SYNE3: variants seen among roughly 807,000 people sequenced by gnomAD.
SYNE3 encodes the protein nesprin-3.
A neutral mutation model predicts 111.2 loss-of-function variants in SYNE3; 100 were observed. The ratio of observed to expected loss-of-function variants is 0.90; its 90% CI spans 0.77 to 1.06. The LOEUF (loss-of-function observed/expected upper bound fraction) is 1.06, where lower values mean the gene tolerates loss of function less well. Ranked by LOEUF, SYNE3 falls within the 50% of genes least tolerant of loss-of-function variation. The probability of loss-of-function intolerance (pLI) is 0.00; values close to 1 mark genes in which losing one functional copy is unlikely to be tolerated. For synonymous variants in SYNE3, 547 were observed against 533.9 expected (o/e 1.02, Z -0.34); for missense variants, 1,160 against 1,240.3 (o/e 0.94, Z 0.97).
intron 1 of SYNE3, among the ~76,000 whole-genome samples, chr14:95,488,697 G>GGAGGAGAGGAGAGGAGAGGA (rs773406803): frequency 0.014 from 527 of 38,236 alleles, 27 homozygotes; most frequent in Middle Eastern, 0.032. Flanking sequence ...GAAGGGGAAG[G>GGAGGAGAGGAGAGGAGAGGA]GAGGAGAGGA....
At chr14:95,426,452 C>A (rs150207015) in intron 17 of SYNE3, among the ~76,000 whole-genome samples, 1 of 152,120 alleles carries the variant, frequency 6.6e-6, no homozygotes, top group African/African-American at 2.4e-5. Flanking sequence ...CCCCATCCCA[C>A]GTGAGAGAGA....
chr14:95,515,285 T>C lies in SYNE3; in HGVS notation c.-15+1311A>G, dbSNP rs1393142883. ...GCCGAGCACCGTCCGGCCTGAGGAA[T>C]GTGCAGACCCACATGTGCTGGAGCA... On this transcript the variant is annotated intron_variant, in intron 1 of 17. Coordinates refer to ENST00000682763, the MANE Select transcript of SYNE3 (RefSeq NM_152592.6). Among the ~76,000 whole-genome samples, 6 of 152,334 alleles carry C rather than the reference T, an allele frequency of 3.9e-5. No individual in the cohort carries two copies. In the South Asian group the frequency reaches 8.3e-4, roughly 21 times the overall value.
At position 95,409,148 on chromosome 14, in the gene SYNE3, T is replaced by A; in HGVS notation, c.*8678A>T. On this transcript the variant is annotated 3_prime_UTR_variant, in exon 18 of 18. Transcript: ENST00000682763. ...CAACTGAGGCCCAGGGAACATTCCA[T>A]AGAGTGGAGCACTGGGCTCGGAGCC... The A allele has an allele frequency of 2.2e-6, 1 of 456,706 alleles. No individual in the cohort carries two copies. The highest frequency in any genetic ancestry group is 1.5e-5 in the South Asian group (1 of 64,566). 28.3% of individuals were successfully genotyped at this position (456,706 alleles called of 1,614,324 possible).
At position 95,455,425 on chromosome 14, in the gene SYNE3, C is replaced by T. The variant is rs1458958235; in HGVS notation, c.1089G>A (p.Ala363=). The T allele has an allele frequency of 1.0e-5, 16 of 1,573,708 alleles. No homozygotes were observed. The African/African-American group carries it at 1.1e-4, about 11-fold the overall frequency. ...RLAQEGLQPA[A]KAGTEDELVA... ...CCAGCTCGTCCTCGGTCCCCGCTTTCGCCGCAGGCTGCAGGCCCTCCTGGG... is the reference window on the plus strand; with the variant it reads ...CCAGCTCGTCCTCGGTCCCCGCTTTTGCCGCAGGCTGCAGGCCCTCCTGGG... Residue 363 remains alanine, a synonymous_variant, in exon 6 of 18, where the codon GCG becomes GCA. Transcript: ENST00000682763.
At chr14:95,509,173 G>A (rs561039973) in intron 1 of SYNE3, among the ~76,000 whole-genome samples, 8 of 152,314 alleles carry the variant, frequency 5.3e-5, no homozygotes, top group African/African-American at 1.9e-4. Context: ...CACCAACCCT[G>A]TAGGAGGTGA....
At chr14:95,507,013 C>G (rs762759919) in intron 1 of SYNE3, among the ~76,000 whole-genome samples, 2 of 152,230 alleles carry the variant, frequency 1.3e-5, no homozygotes, top group African/African-American at 2.4e-5. Context: ...GTGATGACCC[C>G]TTACCTCCAT....
chr14:95,495,267 T>G (rs1890040275), intron 1 of SYNE3, among the ~76,000 whole-genome samples: 1 of 152,224 alleles, frequency 6.6e-6, no homozygotes, highest in African/African-American at 2.4e-5. Context: ...AGTCTGTCCT[T>G]ACAGTCCTTT....
intron 7 of SYNE3, 107 bp downstream of exon 7, chr14:95,452,140 T>C (rs1887124482): frequency 1.5e-6 from 2 of 1,328,240 alleles, no homozygotes; most frequent in Non-Finnish European, 1.0e-6. Flanking sequence ...CAAAGAATGA[T>C]TTAGAAGTTA....
rs1903380550 is a variant in SYNE3 at position 95,409,549 on chromosome 14, T to C, written c.*8277A>G. 2.6e-6 allele frequency: 1 copy of C among 383,060 alleles called. No homozygotes were observed. The highest frequency in any genetic ancestry group is 5.1e-6 in the Non-Finnish European group (1 of 195,252). 23.7% of individuals were successfully genotyped at this position (383,060 alleles called of 1,614,324 possible). A position where few individuals can be genotyped will look rare whatever the true frequency, so the allele number is the denominator to read the frequency against. ...CTGGACAAGGTGGTTGGGTTGGGGATGATGTTACCATGACAACCGGAGAGC... is the reference window on the plus strand; with the variant it reads ...CTGGACAAGGTGGTTGGGTTGGGGACGATGTTACCATGACAACCGGAGAGC... On this transcript the variant is annotated 3_prime_UTR_variant, in exon 18 of 18. Transcript: ENST00000682763.
rs552672254 is a variant in SYNE3 at position 95,485,702 on chromosome 14, T to C, written c.-14-9867A>G. ...AGCATCCCCACAGGCTCAGCTCAGA[T>C]GGCTCCTCTTCCAGAAAGCCTTCCC... On this transcript the variant is annotated intron_variant, in intron 1 of 17. Transcript: ENST00000682763. This position sits in a 1 kb window ranked among gnomAD's most constrained non-coding sequence, Gnocchi z 4.3. Among the ~76,000 whole-genome samples, 1 of 152,254 alleles carries C rather than the reference T, an allele frequency of 6.6e-6. No individual in the cohort carries two copies. The highest frequency in any genetic ancestry group is 1.9e-4 in the East Asian group (1 of 5,176).
intron 1 of SYNE3, among the ~76,000 whole-genome samples, chr14:95,508,412 T>C (rs901004630): frequency 2.0e-5 from 3 of 152,256 alleles, no homozygotes; most frequent in African/African-American, 4.8e-5. Flanking sequence ...TTGAGCAGCT[T>C]TGATGGCTGG....
intron 14 of SYNE3, 141 bp downstream of exon 14, chr14:95,438,892 C>T (rs1408680381): frequency 2.5e-6 from 3 of 1,203,492 alleles, no homozygotes; most frequent in Non-Finnish European, 3.5e-6. Flanking sequence ...CTGGGGCAGG[C>T]TCAAATGAGA....
chr14:95,513,834 G>A (rs560907372), intron 1 of SYNE3, among the ~76,000 whole-genome samples: 48 of 143,248 alleles, frequency 3.4e-4, no homozygotes, highest in South Asian at 2.2e-3. Context: ...CATCCTGTCC[G>A]GTCAGTACTG....
rs958985849 is a variant in SYNE3 at position 95,485,620 on chromosome 14, C to T, written c.-14-9785G>A. Among the ~76,000 whole-genome samples, 5 of 152,016 alleles carry T rather than the reference C, an allele frequency of 3.3e-5. No individual in the cohort carries two copies. Among genetic ancestry groups the T allele is most frequent in the Non-Finnish European group, 7.4e-5 (5 of 67,966 alleles). ...AATGCTCAGCGTTTTTTTCCCTCTG[C>T]CCTCACCAGGCTGTCTCCTCTCCCT... On this transcript the variant is annotated intron_variant, in intron 1 of 17. Transcript: ENST00000682763. This position sits in a 1 kb window ranked among gnomAD's most constrained non-coding sequence, Gnocchi z 4.3.
intron 3 of SYNE3, 44 bp downstream of exon 3, chr14:95,467,751 G>GGA: frequency 6.2e-7 from 1 of 1,610,176 alleles, no homozygotes; most frequent in South Asian, 1.1e-5. Context: ...CAGTGGGCAA[G>GGA]GAGGGTAAAT....
intron 4 of SYNE3, among the ~76,000 whole-genome samples, chr14:95,465,693 G>T (rs1888119510): frequency 6.6e-6 from 1 of 152,130 alleles, no homozygotes; most frequent in Admixed American, 6.5e-5. Context: ...TGGTGTGTGG[G>T]TGGATAGTGA....
chr14:95,492,737 T>A (rs1335336286), intron 1 of SYNE3, among the ~76,000 whole-genome samples: 1 of 152,070 alleles, frequency 6.6e-6, no homozygotes, highest in Non-Finnish European at 1.5e-5. Context: ...GCATTGAGGG[T>A]AGGCGAGGTG....
chr14:95,513,619 C>T (rs958221457), intron 1 of SYNE3, among the ~76,000 whole-genome samples: 3 of 151,824 alleles, frequency 2.0e-5, no homozygotes, highest in Non-Finnish European at 2.9e-5. Flanking sequence ...TTCCTAGCTG[C>T]TCAGCCCCAG....
At chr14:95,467,990 T>G (rs934968338) in intron 2 of SYNE3, 23 bp from the exon 3 acceptor site, 1 of 1,593,754 alleles carries the variant, frequency 6.3e-7, no homozygotes. Flanking sequence ...CACAAGCCAG[T>G]TTCCAGGGTT....
Sources: allele counts gnomAD v4.1 joint callset (sites outside exome capture counted in the v4.1 genomes callset), GRCh38; gene constraint gnomAD v4.1.1; non-coding constraint Gnocchi (gnomAD v3.1); transcripts MANE v1.5; gene names NCBI Gene and HGNC (gene_info 2026-07-23, HGNC 2026-07-21).